The following KCNQ5 variants were observed in gnomAD, a reference collection of about 807,000 sequenced individuals.
The protein encoded by KCNQ5 is potassium voltage-gated channel subfamily Q member 5.
KCNQ5 carries 30 observed loss-of-function variants against 98.2 expected under a neutral mutation model. The ratio of observed to expected loss-of-function variants is 0.31; its 90% CI spans 0.23 to 0.41. KCNQ5 has a LOEUF of 0.41. KCNQ5 is among the 10% of genes least tolerant of loss of function. The probability of loss-of-function intolerance (pLI) is 1.00; values close to 1 mark genes in which losing one functional copy is unlikely to be tolerated. For missense variants in KCNQ5, 835 were observed against 1,182.5 expected (o/e 0.71, Z 4.31); for synonymous variants, 458 against 449.4 (o/e 1.02, Z -0.24).
At chr6:72,707,852 C>T (rs182667327) in intron 1 of KCNQ5, among the ~76,000 whole-genome samples, 19 of 152,190 alleles carry the variant, frequency 1.2e-4, no homozygotes, top group African/African-American at 3.9e-4. Flanking sequence ...TAGCTGGGAC[C>T]ACATATGGTG....
At chr6:73,082,826 A>C (rs1773833683) in intron 5 of KCNQ5, among the ~76,000 whole-genome samples, 1 of 151,930 alleles carries the variant, frequency 6.6e-6, no homozygotes, top group Non-Finnish European at 1.5e-5. Flanking sequence ...TAGTATCCAC[A>C]GAATTCTGTT....
chr6:72,850,441 T>G (rs1777205131), intron 1 of KCNQ5, among the ~76,000 whole-genome samples: 2 of 152,200 alleles, frequency 1.3e-5, no homozygotes, highest in Admixed American at 1.3e-4. Context: ...TAAATTATTT[T>G]TATTGAGCGC....
At chr6:72,852,159 G>T (rs1777289124) in intron 1 of KCNQ5, among the ~76,000 whole-genome samples, 1 of 151,948 alleles carries the variant, frequency 6.6e-6, no homozygotes, top group African/African-American at 2.4e-5. Context: ...ATGAGTAAAT[G>T]GGACATATTT....
At chr6:73,154,134 C>T (rs1378086058) in intron 10 of KCNQ5, among the ~76,000 whole-genome samples, 1 of 151,886 alleles carries the variant, frequency 6.6e-6, no homozygotes, top group African/African-American at 2.4e-5. Flanking sequence ...ATCATTTCTA[C>T]AGCCTAAAAA....
chr6:72,922,348 A>G (rs1314838484), intron 1 of KCNQ5, among the ~76,000 whole-genome samples: 1 of 152,228 alleles, frequency 6.6e-6, no homozygotes, highest in East Asian at 1.9e-4. Flanking sequence ...TTTTTAATAT[A>G]TGTATACACT....
chr6:72,980,330 G>C (rs12208063), intron 1 of KCNQ5, among the ~76,000 whole-genome samples: 14,693 of 152,136 alleles, frequency 0.097, 842 homozygotes, highest in East Asian at 0.23. Flanking sequence ...TCTTCCATTT[G>C]TTTGTGTCCT....
chr6:73,035,985 T>TTGTGTGTGTGTG lies in KCNQ5; in HGVS notation c.490-5917_490-5906dup, dbSNP rs70994155. Among the ~76,000 whole-genome samples, 289 of 140,526 alleles carry TTGTGTGTGTGTG rather than the reference T, an allele frequency of 2.1e-3. 1 individual carries two copies. Among genetic ancestry groups the TTGTGTGTGTGTG allele is most frequent in the Middle Eastern group, 0.011 (3 of 270 alleles). 92.2% of individuals were successfully genotyped at this position (140,526 alleles called of 152,430 possible). A position where few individuals can be genotyped will look rare whatever the true frequency, so the allele number is the denominator to read the frequency against. The stretch of plus-strand genomic sequence containing the variant: ...TTTCTCCAGTTTTACTTGAATACAT[T>TTGTGTGTGTGTG]TGTGTGTGTGTGTGTGTGTGTGTGT... On this transcript the variant is annotated intron_variant, in intron 2 of 13. Transcript: ENST00000370398.
chr6:73,183,167 A>G (rs1778459337), intron 11 of KCNQ5, among the ~76,000 whole-genome samples: 1 of 152,180 alleles, frequency 6.6e-6, no homozygotes. Flanking sequence ...CAGCCTAAAC[A>G]TTCTCCTTAA....
intron 3 of KCNQ5, chr6:73,043,359 A>T (rs3798464): frequency 0.026 from 4,424 of 167,076 alleles, 99 homozygotes; most frequent in East Asian, 0.11. Flanking sequence ...TCACGAATGC[A>T]GTCTGTTTGT....
chr6:72,665,341 CAA>C (rs57257881), intron 1 of KCNQ5, among the ~76,000 whole-genome samples: 1,911 of 112,918 alleles, frequency 0.017, 30 homozygotes, highest in African/African-American at 0.06. Flanking sequence ...AATACCCTGT[CAA>C]AAAAAAAAAA....
intron 5 of KCNQ5, among the ~76,000 whole-genome samples, chr6:73,093,364 T>C (rs1774336935): frequency 6.6e-6 from 1 of 152,178 alleles, no homozygotes; most frequent in Non-Finnish European, 1.5e-5. Context: ...GCTTTTTGTT[T>C]CATTTATCTT....
At chr6:72,852,569 G>A (rs545081882) in intron 1 of KCNQ5, among the ~76,000 whole-genome samples, 11 of 143,386 alleles carry the variant, frequency 7.7e-5, no homozygotes, top group African/African-American at 1.1e-4. Flanking sequence ...AGTGGATCTC[G>A]TGAAGATAGA....
Position 72,851,936 on chromosome 6 carries a change from T to C in KCNQ5, c.399-151972T>C, listed in dbSNP as rs535979119. Among the ~76,000 whole-genome samples, 203 of 152,228 alleles carry C rather than the reference T, an allele frequency of 1.3e-3. 1 individual carries two copies. Among genetic ancestry groups the C allele is most frequent in the Non-Finnish European group, 1.5e-3 (105 of 67,978 alleles). ...ATAAATTTCACCTTATTAATCTAGA[T>C]ACGTATAATGTAAAAATAGGTAGCT... On this transcript the variant is annotated intron_variant, in intron 1 of 13. Coordinates refer to ENST00000370398, the MANE Select transcript of KCNQ5 (RefSeq NM_019842.4).
At chr6:72,772,446 T>C (rs1218197640) in intron 1 of KCNQ5, among the ~76,000 whole-genome samples, 1 of 152,158 alleles carries the variant, frequency 6.6e-6, no homozygotes, top group East Asian at 1.9e-4. Flanking sequence ...AGTGGCTTTA[T>C]ACACTAAGAA....
chr6:73,055,723 T>C, intron 3 of KCNQ5: 1 of 1,098,946 alleles, frequency 9.1e-7, no homozygotes, highest in Non-Finnish European at 1.4e-6. Context: ...ACCTGCCAAC[T>C]GGCATTCTCA....
rs373841563 is a variant in KCNQ5 at position 72,784,039 on chromosome 6, C to G, written c.398+161452C>G. Among the ~76,000 whole-genome samples the G allele has an allele frequency of 1.0e-3, 153 of 152,278 alleles. 3 individuals carry two copies. Among genetic ancestry groups the G allele is most frequent in the African/African-American group, 3.6e-3 (149 of 41,550 alleles). On this transcript the variant is annotated intron_variant, in intron 1 of 13. Coordinates refer to ENST00000370398, the MANE Select transcript of KCNQ5 (RefSeq NM_019842.4). Reference sequence around the variant, plus strand: ...CAAATGTGGAGGTAACATTCACATTCCAACATGAGGAGCTGCCACACCACC... The same window carrying G: ...CAAATGTGGAGGTAACATTCACATTGCAACATGAGGAGCTGCCACACCACC...
At chr6:72,840,148 C>A (rs1776728141) in intron 1 of KCNQ5, among the ~76,000 whole-genome samples, 1 of 152,108 alleles carries the variant, frequency 6.6e-6, no homozygotes. Context: ...TTTTCTTTAT[C>A]CATTCATTCA....
intron 1 of KCNQ5, among the ~76,000 whole-genome samples, chr6:72,787,577 T>C (rs1305886413): frequency 6.6e-6 from 1 of 152,038 alleles, no homozygotes. Context: ...CCAATCTATG[T>C]AGGAAGCCAA....
chr6:73,145,458 G>A (rs1267888330), intron 10 of KCNQ5, among the ~76,000 whole-genome samples: 3 of 152,320 alleles, frequency 2.0e-5, no homozygotes, highest in Non-Finnish European at 2.9e-5. Context: ...TATGTTAACT[G>A]CTAGTGAAAT....
Sources: allele counts gnomAD v4.1 joint callset (sites outside exome capture counted in the v4.1 genomes callset), GRCh38; gene constraint gnomAD v4.1.1; transcripts MANE v1.5; gene names NCBI Gene and HGNC (gene_info 2026-07-23, HGNC 2026-07-21).